Variants in PROX1 observed in about 807,000 individuals in gnomAD.
PROX1 encodes prospero homeobox 1.
PROX1 carries 7 observed loss-of-function variants against 58.8 expected under a neutral mutation model. That is an observed-to-expected ratio of 0.12 (90% CI 0.07 to 0.22). PROX1 has a LOEUF of 0.22. Among genes scored for constraint, PROX1 ranks in the 10% least tolerant of loss-of-function variants. The pLI is 1.00. For synonymous variants in PROX1, 350 were observed against 358.3 expected (o/e 0.98, Z 0.26); for missense variants, 675 against 927.8 (o/e 0.73, Z 3.54).
intron 4 of PROX1, among the ~76,000 whole-genome samples, chr1:214,031,173 C>T (rs1414889498): frequency 2.0e-5 from 3 of 152,162 alleles, no homozygotes; most frequent in Non-Finnish European, 4.4e-5. Flanking sequence ...GCCCAGAAGG[C>T]TCTTGTTTGC....
intron 4 of PROX1, among the ~76,000 whole-genome samples, chr1:214,013,641 C>T (rs144052943): frequency 3.3e-5 from 5 of 152,244 alleles, no homozygotes; most frequent in East Asian, 1.9e-4. Context: ...GCCAAAATGA[C>T]ACAAACAGGG....
At chr1:214,025,663 CTTTTT>C (rs539954941) in intron 4 of PROX1, among the ~76,000 whole-genome samples, 1 of 136,528 alleles carries the variant, frequency 7.3e-6, no homozygotes, top group South Asian at 2.4e-4. Flanking sequence ...TCTGTGATTC[CTTTTT>C]TTTTTTTTTT....
chr1:213,989,175 A>G (rs995568448), intron 1 of PROX1, among the ~76,000 whole-genome samples: 1 of 151,716 alleles, frequency 6.6e-6, no homozygotes. Flanking sequence ...GCGCTCTGTT[A>G]CTTTCGTCTC....
chr1:214,032,185 G>A (rs1352416258), intron 4 of PROX1, among the ~76,000 whole-genome samples: 2 of 152,050 alleles, frequency 1.3e-5, no homozygotes, highest in Non-Finnish European at 2.9e-5. Flanking sequence ...AGGTTTTGGT[G>A]CCTCATATAA....
At chr1:213,987,251 G>A (rs12026875), upstream of PROX1, among the ~76,000 whole-genome samples, 2 of 152,132 alleles carry the variant, frequency 1.3e-5, no homozygotes, top group African/African-American at 4.8e-5. Context: ...AACAGATGCA[G>A]CGGACCCGAT....
chr1:213,998,081 G>C lies in PROX1; in HGVS notation c.1546G>C (p.Asp516His), dbSNP rs1473142886. The change falls in exon 2 of 5, where the codon GAC (aspartate) becomes CAC (histidine). Residue 516 changes from aspartate to histidine, a missense_variant. Asp to His is a moderately conservative substitution (Grantham distance 81, BLOSUM62 -1). Transcript: ENST00000366958. ...GKDRASPESL[D>H]LTRDTTSLRT... is the part of the protein sequence containing the mutation. ...AGACAGAGCCTCTCCTGAATCCTTA[G>C]ACTTAACTAGGGATACCACGAGTCT... is the stretch of plus-strand genomic sequence containing the variant. 1 of 1,613,778 alleles carries C rather than the reference G, an allele frequency of 6.2e-7. No homozygotes were observed. Among genetic ancestry groups the C allele is most frequent in the Non-Finnish European group, 8.5e-7 (1 of 1,179,916 alleles).
chr1:214,033,077 G>A (rs1242707392), intron 4 of PROX1, among the ~76,000 whole-genome samples: 1 of 152,042 alleles, frequency 6.6e-6, no homozygotes, highest in Non-Finnish European at 1.5e-5. Flanking sequence ...AACAATGCCT[G>A]CCCTTCCCCT....
chr1:214,030,670 G>A (rs1390040796), intron 4 of PROX1: 1 of 152,202 alleles, frequency 6.6e-6, no homozygotes, highest in Admixed American at 6.5e-5. Flanking sequence ...TCTGTCTCCA[G>A]AAAATAGGAG....
chr1:214,038,636 G>A lies in PROX1; in HGVS notation c.*2802G>A, dbSNP rs555514876. 1 of 152,270 alleles carries A rather than the reference G, an allele frequency of 6.6e-6. No individual in the cohort carries two copies. Among genetic ancestry groups the A allele is most frequent in the East Asian group, 1.9e-4 (1 of 5,182 alleles). 9.4% of individuals were successfully genotyped at this position (152,270 alleles called of 1,614,324 possible). ...TATAGTCTGTGCCTAGACCTAAAAT[G>A]CACCAGCGGGGGGGATTTTAAAAAA... On this transcript the variant is annotated 3_prime_UTR_variant, in exon 5 of 5. Transcript: ENST00000366958.
chr1:213,989,827 C>T (rs1662957691), intron 1 of PROX1: 1 of 152,396 alleles, frequency 6.6e-6, no homozygotes, highest in South Asian at 2.1e-4. Flanking sequence ...CCCTTCCCAG[C>T]TTCTTGGGAA....
rs1346299564 is a variant in PROX1 at position 213,997,757 on chromosome 1, C to T, written c.1222C>T (p.Arg408Cys). 6.2e-7 allele frequency: 1 copy of T among 1,614,168 alleles called. No homozygotes were observed. Among genetic ancestry groups the T allele is most frequent in the Non-Finnish European group, 8.5e-7 (1 of 1,180,028 alleles). ...CCACAATTTCCACACCGCCAACCAG[C>T]GCCTGCAGTGCTTTGGCGACGTCAT... ...ENHNFHTANQ[R>C]LQCFGDVIIP... Residue 408 changes from arginine (R) to cysteine (C), a missense_variant, in exon 2 of 5, where the codon CGC (arginine) becomes TGC (cysteine). Physicochemically the swap from Arg to Cys is radical, Grantham distance 180 (BLOSUM62 -3). Transcript: ENST00000366958. The surrounding 1 kb of genome is among the most constrained non-coding windows in gnomAD (Gnocchi z 7.1).
chr1:214,010,486 T>C (rs1663869811), intron 3 of PROX1, among the ~76,000 whole-genome samples: 1 of 152,228 alleles, frequency 6.6e-6, no homozygotes, highest in African/African-American at 2.4e-5. Context: ...TTTTGATGAA[T>C]GTACATCTTT....
intron 1 of PROX1, among the ~76,000 whole-genome samples, chr1:213,993,007 C>T (rs1443275372): frequency 2.6e-5 from 4 of 152,068 alleles, no homozygotes; most frequent in Admixed American, 1.3e-4. Context: ...GTAGTTAAAA[C>T]CTGTTTTGAT....
In PROX1 at chr1:213,996,878, G is replaced by A; in HGVS notation, c.343G>A (p.Gly115Ser). 1 of 1,614,030 alleles carries A rather than the reference G, an allele frequency of 6.2e-7. No homozygotes were observed. The highest frequency in any genetic ancestry group is 8.5e-7 in the Non-Finnish European group (1 of 1,180,020). ...GGTEPSFQASGLSSTGSEVHQ... is the reference protein window; with the variant it reads ...GGTEPSFQASSLSSTGSEVHQ... Reference sequence around the variant, plus strand: ...CACGGAGCCCAGTTTCCAAGCCAGCGGTCTCTCTAGTACAGGCTCCGAAGT... The same window carrying A: ...CACGGAGCCCAGTTTCCAAGCCAGCAGTCTCTCTAGTACAGGCTCCGAAGT... Residue 115 changes from glycine to serine, a missense_variant, in exon 2 of 5, where the codon GGT becomes AGT. Transcript: ENST00000366958.
At chr1:214,010,249 T>C (rs1008244388) in intron 3 of PROX1, among the ~76,000 whole-genome samples, 4 of 152,206 alleles carry the variant, frequency 2.6e-5, no homozygotes, top group African/African-American at 9.6e-5. Flanking sequence ...TGCAACTCCA[T>C]GGCAATTATG....
At chr1:214,027,959 A>G (rs1446901510) in intron 4 of PROX1, among the ~76,000 whole-genome samples, 1 of 151,540 alleles carries the variant, frequency 6.6e-6, no homozygotes, top group East Asian at 1.9e-4. Flanking sequence ...TTCTTAAGAC[A>G]GCCTTGAACT....
chr1:214,033,843 C>T (rs937718381), intron 4 of PROX1, among the ~76,000 whole-genome samples: 1 of 152,064 alleles, frequency 6.6e-6, no homozygotes, highest in African/African-American at 2.4e-5. Flanking sequence ...AAGCTCTCCT[C>T]CAACAAATAC....
At chr1:213,995,404 C>T (rs1015556117) in intron 1 of PROX1, among the ~76,000 whole-genome samples, 4 of 151,874 alleles carry the variant, frequency 2.6e-5, no homozygotes. Flanking sequence ...TTCCCTTTCT[C>T]ACACATTTGA....
chr1:214,000,705 C>G (rs1301568308), intron 2 of PROX1, among the ~76,000 whole-genome samples: 1 of 152,152 alleles, frequency 6.6e-6, no homozygotes, highest in Non-Finnish European at 1.5e-5. Flanking sequence ...GTAAGATAGG[C>G]AAACAACCTT....
Sources: gnomAD v4.1 joint callset for allele counts (sites outside exome capture counted in the v4.1 genomes callset) on GRCh38, gnomAD v4.1.1 for gene constraint, Gnocchi (gnomAD v3.1) non-coding constraint, MANE v1.5 for transcripts, NCBI Gene and HGNC (gene_info 2026-07-23, HGNC 2026-07-21) for gene names.